Variants in GALNTL6 observed in about 807,000 individuals in gnomAD.
GALNTL6 encodes the protein polypeptide N-acetylgalactosaminyltransferase-like 6.
In GALNTL6, 46 loss-of-function variants were observed where a neutral mutation model predicts 73.7. That is an observed-to-expected ratio of 0.62 (90% CI 0.49 to 0.80). The LOEUF (loss-of-function observed/expected upper bound fraction) is 0.80, where lower values mean the gene tolerates loss of function less well. Among genes scored for constraint, GALNTL6 ranks in the 30% least tolerant of loss-of-function variants. The pLI, the probability that GALNTL6 is intolerant of heterozygous loss-of-function variation, is 0.00. For synonymous variants in GALNTL6, 259 were observed against 263.7 expected, an observed-to-expected ratio of 0.98 and a Z score of 0.17; for missense variants, 604 against 755.0, an observed-to-expected ratio of 0.80 and a Z score of 2.34.
intron 3 of GALNTL6, among the ~76,000 whole-genome samples, chr4:172,280,775 A>T (rs979872755): frequency 2.0e-5 from 3 of 152,106 alleles, no homozygotes; most frequent in African/African-American, 7.2e-5. Flanking sequence ...AAACTATGTA[A>T]TAATATTCAA....
At chr4:172,547,685 A>T (rs113773983) in intron 5 of GALNTL6, among the ~76,000 whole-genome samples, 84 of 152,186 alleles carry the variant, frequency 5.5e-4, no homozygotes, top group Non-Finnish European at 9.7e-4. Flanking sequence ...TCTTTATGAC[A>T]TTTTTTATTA....
chr4:172,420,332 A>T (rs540509639), intron 5 of GALNTL6, among the ~76,000 whole-genome samples: 1 of 152,280 alleles, frequency 6.6e-6, no homozygotes, highest in Non-Finnish European at 1.5e-5. Flanking sequence ...ATATTGTGCA[A>T]CTCCATAAAA....
At chr4:172,025,471 G>A (rs1023361151) in intron 2 of GALNTL6, among the ~76,000 whole-genome samples, 6 of 151,726 alleles carry the variant, frequency 4.0e-5, no homozygotes, top group Non-Finnish European at 5.9e-5. Context: ...GCCTAGAGCT[G>A]GTGTTGGCTT....
At chr4:172,367,219 TTC>T (rs1193745827) in intron 5 of GALNTL6, among the ~76,000 whole-genome samples, 1 of 152,174 alleles carries the variant, frequency 6.6e-6, no homozygotes, top group Non-Finnish European at 1.5e-5. Context: ...TGGCATTTGT[TTC>T]TGTGTTAACT....
chr4:172,561,554 C>T (rs141696711), intron 5 of GALNTL6, among the ~76,000 whole-genome samples: 37 of 152,040 alleles, frequency 2.4e-4, no homozygotes, highest in Non-Finnish European at 3.4e-4. Context: ...CCAATAATAC[C>T]ACCCCAAGTC....
rs956196503 is a variant in GALNTL6 at position 171,960,915 on chromosome 4, C to T, written c.138+146197C>T. Among the ~76,000 whole-genome samples, 9 of 151,936 alleles carry T rather than the reference C, an allele frequency of 5.9e-5. No homozygotes were observed. In the South Asian group the frequency reaches 1.9e-3, roughly 32 times the overall value. ...AGAAATTATTAAGAGAAACACAAGG[C>T]TACTCTGCCCACAGAGTAGCCATTC... On this transcript the variant is annotated intron_variant, in intron 2 of 12. Coordinates refer to ENST00000506823, the MANE Select transcript of GALNTL6 (RefSeq NM_001034845.3).
rs991991706 is a variant in GALNTL6 at position 172,419,223 on chromosome 4, G to A, written c.553+70534G>A. 2.0e-5 allele frequency among the ~76,000 whole-genome samples: 3 copies of A among 152,042 alleles called. No individual in the cohort carries two copies. In the East Asian group the frequency reaches 5.8e-4, roughly 29 times the overall value. On this transcript the variant is annotated intron_variant, in intron 5 of 12. Coordinates refer to ENST00000506823, the MANE Select transcript of GALNTL6 (RefSeq NM_001034845.3). ...ACCCTAATATGTTACCTAACATCCT[G>A]TTGATTAAAGACCAGGCTTTCAAAC...
chr4:172,264,589 T>TATATGCCAA (rs1554008493), intron 3 of GALNTL6, among the ~76,000 whole-genome samples: 4 of 99,558 alleles, frequency 4.0e-5, no homozygotes, highest in African/African-American at 1.5e-4. Flanking sequence ...TATATATATA[T>TATATGCCAA]ATATTTGGCA....
intron 5 of GALNTL6, among the ~76,000 whole-genome samples, chr4:172,776,944 A>C (rs1739107789): frequency 6.6e-6 from 1 of 152,210 alleles, no homozygotes; most frequent in Admixed American, 6.5e-5. Context: ...ATTGGGATAT[A>C]AATGAAAGGA....
chr4:172,375,844 C>T (rs899073774), intron 5 of GALNTL6, among the ~76,000 whole-genome samples: 3 of 152,152 alleles, frequency 2.0e-5, no homozygotes, highest in African/African-American at 7.2e-5. Context: ...GAGTCCTAGG[C>T]ATTCACCTGT....
At chr4:171,883,581 A>C (rs1237428819) in intron 2 of GALNTL6, among the ~76,000 whole-genome samples, 1 of 151,954 alleles carries the variant, frequency 6.6e-6, no homozygotes. Context: ...TTTTTTTCTG[A>C]AACACAAGAC....
At chr4:172,446,846 T>C (rs1732040920) in intron 5 of GALNTL6, among the ~76,000 whole-genome samples, 1 of 152,174 alleles carries the variant, frequency 6.6e-6, no homozygotes, top group Non-Finnish European at 1.5e-5. Flanking sequence ...ATGTCTATTG[T>C]TTTGCAACTG....
At chr4:172,952,841 A>T (rs75718727) in intron 10 of GALNTL6, among the ~76,000 whole-genome samples, 5,864 of 152,304 alleles carry the variant, frequency 0.039, 256 homozygotes, top group African/African-American at 0.1. Flanking sequence ...ACACCTAGAA[A>T]ATATTTTTAT....
chr4:172,150,179 A>G (rs1179955706), intron 2 of GALNTL6, among the ~76,000 whole-genome samples: 1 of 152,168 alleles, frequency 6.6e-6, no homozygotes, highest in African/African-American at 2.4e-5. Flanking sequence ...CTCAGTCCCC[A>G]TATAATTCAG....
intron 3 of GALNTL6, among the ~76,000 whole-genome samples, chr4:172,308,002 A>ATTTTTTTT (rs1740205146): frequency 1.2e-4 from 2 of 16,264 alleles, no homozygotes; most frequent in Admixed American, 8.7e-4. Flanking sequence ...ATGTGTTTTA[A>ATTTTTTTT]CTTTTTTTTT....
chr4:172,976,060 T>G (rs1750793653), intron 10 of GALNTL6, among the ~76,000 whole-genome samples: 3 of 152,022 alleles, frequency 2.0e-5, no homozygotes, highest in Admixed American at 1.3e-4. Flanking sequence ...TCCCACCAGC[T>G]CCCTGGAGTG....
intron 2 of GALNTL6, among the ~76,000 whole-genome samples, chr4:171,979,480 T>C (rs1041818684): frequency 3.9e-5 from 6 of 152,250 alleles, no homozygotes; most frequent in South Asian, 2.1e-4. Context: ...AGGATTGAAA[T>C]TGGTTCCTAC....
intron 5 of GALNTL6, among the ~76,000 whole-genome samples, chr4:172,495,106 A>G (rs1350425110): frequency 6.6e-6 from 1 of 152,172 alleles, no homozygotes; most frequent in Non-Finnish European, 1.5e-5. Flanking sequence ...AGGGAAAGAG[A>G]GCAATCAGAG....
At chr4:172,533,099 C>T (rs1290865416) in intron 5 of GALNTL6, among the ~76,000 whole-genome samples, 7 of 150,594 alleles carry the variant, frequency 4.6e-5, no homozygotes, top group African/African-American at 1.7e-4. Context: ...ACAACCTCCA[C>T]CTCCTGGGTT....
Sources: gnomAD v4.1 joint callset for allele counts (sites outside exome capture counted in the v4.1 genomes callset) on GRCh38, gnomAD v4.1.1 for gene constraint, MANE v1.5 for transcripts, NCBI Gene and HGNC (gene_info 2026-07-23, HGNC 2026-07-21) for gene names.